HIVEP3: variants seen among roughly 807,000 people sequenced by gnomAD.
HIVEP3 encodes the protein HIVEP zinc finger 3.
In HIVEP3, 49 loss-of-function variants were observed where a neutral mutation model predicts 152.8. The ratio of observed to expected loss-of-function variants is 0.32; its 90% CI spans 0.26 to 0.41. HIVEP3 has a LOEUF of 0.41. Among genes scored for constraint, HIVEP3 ranks in the 10% least tolerant of loss-of-function variants. The probability of loss-of-function intolerance (pLI) is 1.00; values close to 1 mark genes in which losing one functional copy is unlikely to be tolerated. For missense variants in HIVEP3, 2,790 were observed against 3,103.3 expected (o/e 0.90, Z 2.40); for synonymous variants, 1,269 against 1,289.0 (o/e 0.98, Z 0.33).
rs564652555 is a variant in HIVEP3, at chr1:41,643,246, C to T, written c.-720-14299G>A. On this transcript the variant is annotated intron_variant, in intron 2 of 8. Transcript: ENST00000372583. ...GCTGACTGCCATCAGAAACCCAGAT[C>T]CCCTAGGAAGGTGCTGGAGTGTCTC... Among the ~76,000 whole-genome samples the T allele has an allele frequency of 3.6e-3, 553 of 152,334 alleles. 2 individuals are homozygous for T. Among genetic ancestry groups the T allele is most frequent in the Non-Finnish European group, 5.1e-3 (348 of 68,024 alleles).
chr1:41,951,694 C>T (rs922533404), intron 1 of HIVEP3, among the ~76,000 whole-genome samples: 1 of 152,132 alleles, frequency 6.6e-6, no homozygotes, highest in African/African-American at 2.4e-5. Flanking sequence ...TGGAAGGCAC[C>T]TCTTCACAGA....
chr1:41,999,334 A>T (rs530724078), intron 1 of HIVEP3, among the ~76,000 whole-genome samples: 4 of 152,230 alleles, frequency 2.6e-5, no homozygotes, highest in Non-Finnish European at 5.9e-5. Flanking sequence ...ATTCTTGATC[A>T]TTAAAGGCAA....
chr1:41,752,062 T>A (rs904028139), intron 1 of HIVEP3, among the ~76,000 whole-genome samples: 1 of 152,172 alleles, frequency 6.6e-6, no homozygotes, highest in Non-Finnish European at 1.5e-5. Context: ...CACTCAGGGG[T>A]GTGACTTTGA....
intron 5 of HIVEP3, among the ~76,000 whole-genome samples, chr1:41,573,493 C>G (rs1164821347): frequency 6.6e-6 from 1 of 152,162 alleles, no homozygotes; most frequent in African/African-American, 2.4e-5. Flanking sequence ...ACACTATAAT[C>G]AGTTCCATAC....
upstream of HIVEP3, among the ~76,000 whole-genome samples, chr1:41,922,133 A>G (rs1644945151): frequency 1.3e-5 from 2 of 152,234 alleles, no homozygotes; most frequent in Non-Finnish European, 2.9e-5. Flanking sequence ...GCCTTAGATC[A>G]AATGCTGTGC....
At chr1:41,562,001 G>T (rs771889097) in intron 5 of HIVEP3, among the ~76,000 whole-genome samples, 1 of 152,156 alleles carries the variant, frequency 6.6e-6, no homozygotes, top group Non-Finnish European at 1.5e-5. Flanking sequence ...AGGCAAGGAA[G>T]AAAGAAGAGG....
Position 41,933,693 on chromosome 1 carries a change from C to G in HIVEP3, n.120-15169G>C, listed in dbSNP as rs895195555. Among the ~76,000 whole-genome samples, 11 of 152,134 alleles carry G rather than the reference C, an allele frequency of 7.2e-5. No individual in the cohort carries two copies. The East Asian group carries it at 2.1e-3, about 29-fold the overall frequency. On this transcript the variant is annotated intron_variant and non_coding_transcript_variant, in intron 1 of 3. Transcript: ENST00000489103. ...ATTATAGATATGGTCAAATTAAAAT[C>G]TATTTTGCTAGCTGTTTTTTTGTTC...
chr1:41,940,174 T>C (rs952770603), intron 1 of HIVEP3, among the ~76,000 whole-genome samples: 8 of 152,358 alleles, frequency 5.3e-5, no homozygotes, highest in South Asian at 2.1e-4. Context: ...ACCCTGACAT[T>C]CTCTGCCTCA....
intron 1 of HIVEP3, among the ~76,000 whole-genome samples, chr1:41,822,399 T>G (rs180797632): frequency 6.6e-6 from 1 of 152,206 alleles, no homozygotes; most frequent in Non-Finnish European, 1.5e-5. Flanking sequence ...AATCTGCTTC[T>G]GGATGGAGGA....
At chr1:41,651,665 C>T (rs954899189) in intron 2 of HIVEP3, among the ~76,000 whole-genome samples, 1 of 152,182 alleles carries the variant, frequency 6.6e-6, no homozygotes, top group Non-Finnish European at 1.5e-5. Flanking sequence ...AACCAATTCC[C>T]CATGGATACC....
chr1:41,763,243 T>C (rs1647806174), intron 1 of HIVEP3, among the ~76,000 whole-genome samples: 3 of 152,138 alleles, frequency 2.0e-5, no homozygotes, highest in Admixed American at 2.0e-4. Context: ...CACCCCTCTC[T>C]CCCGAGGCTC....
chr1:41,701,962 C>A (rs1293545922), intron 1 of HIVEP3, among the ~76,000 whole-genome samples: 2 of 152,174 alleles, frequency 1.3e-5, no homozygotes, highest in African/African-American at 2.4e-5. Flanking sequence ...GGAGCTCCAG[C>A]TCTGCAGTGA....
At chr1:41,748,676 T>G (rs1372949998) in intron 1 of HIVEP3, among the ~76,000 whole-genome samples, 2 of 152,222 alleles carry the variant, frequency 1.3e-5, no homozygotes, top group African/African-American at 4.8e-5. Context: ...CATTGCATGA[T>G]GGAGGCAGGA....
intron 1 of HIVEP3, among the ~76,000 whole-genome samples, chr1:42,023,539 T>C (rs1199994923): frequency 2.0e-5 from 3 of 152,324 alleles, no homozygotes; most frequent in Non-Finnish European, 2.9e-5. Context: ...GATTGGATCA[T>C]GGAGGTGGAT....
In HIVEP3 at chr1:41,677,079, T is replaced by G. The variant is rs146172772; in HGVS notation, c.-721+23837A>C. Among the ~76,000 whole-genome samples, 134 of 151,962 alleles carry G rather than the reference T, an allele frequency of 8.8e-4. 1 individual carries two copies. Among genetic ancestry groups the G allele is most frequent in the African/African-American group, 3.1e-3 (130 of 41,408 alleles). On this transcript the variant is annotated intron_variant, in intron 2 of 8. Transcript: ENST00000372583. ...ATGAAAAGAATGGGGAAAATAAGAG[T>G]CTGGTGATCTGATGACATTATATCA...
At chr1:41,556,376 A>T (rs1643966911) in intron 5 of HIVEP3, among the ~76,000 whole-genome samples, 1 of 152,164 alleles carries the variant, frequency 6.6e-6, no homozygotes, top group Admixed American at 6.5e-5. Flanking sequence ...CCTCATGATT[A>T]GTGAGGTTGA....
intron 5 of HIVEP3, chr1:41,542,096 A>G (rs1454286640): frequency 1.3e-5 from 2 of 152,244 alleles, no homozygotes; most frequent in Non-Finnish European, 1.5e-5. Context: ...TCATTCTTCA[A>G]TAGTGGAAGG....
At chr1:41,900,363 A>G (rs1453112318) in intron 1 of HIVEP3, among the ~76,000 whole-genome samples, 1 of 152,240 alleles carries the variant, frequency 6.6e-6, no homozygotes, top group Non-Finnish European at 1.5e-5. Context: ...TAGACTCCCA[A>G]AAGTTATTCT....
intron 7 of HIVEP3, among the ~76,000 whole-genome samples, chr1:41,516,722 G>A (rs1378880647): frequency 1.3e-5 from 2 of 152,194 alleles, no homozygotes; most frequent in African/African-American, 2.4e-5. Context: ...GCTCCAGCAC[G>A]CGGGCCAAGC....
Sources: allele counts gnomAD v4.1 joint callset (sites outside exome capture counted in the v4.1 genomes callset), GRCh38; gene constraint gnomAD v4.1.1; transcripts MANE v1.5; gene names NCBI Gene and HGNC (gene_info 2026-07-23, HGNC 2026-07-21).